CDH22: variants seen among roughly 807,000 people sequenced by gnomAD.
The protein encoded by CDH22 is cadherin 22, also known as cadherin-22.
CDH22 carries 30 observed loss-of-function variants against 58.4 expected under a neutral mutation model. The ratio of observed to expected loss-of-function variants is 0.51; its 90% CI spans 0.38 to 0.70. The LOEUF is 0.70. CDH22 is among the 30% of genes least tolerant of loss of function. The pLI, the probability that CDH22 is intolerant of heterozygous loss-of-function variation, is 0.00. For missense variants in CDH22, 1,014 were observed against 1,233.9 expected, an observed-to-expected ratio of 0.82 and a Z score of 2.67; for synonymous variants, 513 against 558.2, an observed-to-expected ratio of 0.92 and a Z score of 1.14.
At chr20:46,212,830 A>C (rs558227179) in intron 6 of CDH22, among the ~76,000 whole-genome samples, 165 bp downstream of exon 6, 1 of 152,252 alleles carries the variant, frequency 6.6e-6, no homozygotes, top group East Asian at 1.9e-4. Context: ...CCTGGTTTGC[A>C]AAAGGGGAAT....
chr20:46,212,873 G>T, intron 6 of CDH22, 122 bp downstream of exon 6: 1 of 787,304 alleles, frequency 1.3e-6, no homozygotes, highest in African/African-American at 1.7e-5. Context: ...GTTGGTCCTG[G>T]ACCTCTAGAG....
intron 1 of CDH22, among the ~76,000 whole-genome samples, chr20:46,288,279 C>T (rs907267973): frequency 6.6e-6 from 1 of 152,202 alleles, no homozygotes; most frequent in East Asian, 1.9e-4. Flanking sequence ...TTTGGTCTCT[C>T]TCCCCTATGT....
chr20:46,281,989 G>A (rs1448391785), intron 1 of CDH22, among the ~76,000 whole-genome samples: 4 of 152,344 alleles, frequency 2.6e-5, no homozygotes, highest in South Asian at 2.1e-4. Context: ...GTATCTTACC[G>A]AAATTCACAC....
intron 1 of CDH22, among the ~76,000 whole-genome samples, chr20:46,302,649 C>T (rs1374890991): frequency 6.6e-6 from 1 of 152,158 alleles, no homozygotes; most frequent in Non-Finnish European, 1.5e-5. Context: ...GTGAGCTCCT[C>T]CTTCCTCATG....
chr20:46,184,329 C>A (rs6032708), intron 10 of CDH22, among the ~76,000 whole-genome samples: 25 of 152,266 alleles, frequency 1.6e-4, no homozygotes, highest in African/African-American at 6.0e-4. Context: ...GAACTTCTGA[C>A]CTCAACTAAT....
At chr20:46,199,683 AACCCCTTGCG>A (rs1378488200) in intron 7 of CDH22, 124 bp from the exon 8 acceptor site, 1 of 1,217,488 alleles carries the variant, frequency 8.2e-7, no homozygotes, top group Non-Finnish European at 1.1e-6. Context: ...GGGGCAGAGA[AACCCCTTGCG>A]ACCGAGGAGG....
intron 4 of CDH22, among the ~76,000 whole-genome samples, chr20:46,223,745 TTC>T (rs1190504402): frequency 4.6e-5 from 6 of 131,648 alleles, no homozygotes; most frequent in Non-Finnish European, 8.3e-5. Flanking sequence ...TTCTTTCTCT[TTC>T]CTCTTTCTTT....
chr20:46,187,159 A>G (rs540926387), intron 8 of CDH22, among the ~76,000 whole-genome samples: 1 of 152,156 alleles, frequency 6.6e-6, no homozygotes, highest in African/African-American at 2.4e-5. Flanking sequence ...CAACCTTGGC[A>G]CCATTGGCAT....
intron 1 of CDH22, among the ~76,000 whole-genome samples, chr20:46,274,605 G>A (rs960284912): frequency 1.3e-5 from 2 of 152,080 alleles, no homozygotes; most frequent in African/African-American, 4.8e-5. Flanking sequence ...GAAAACATAT[G>A]TCCACATAAA....
chr20:46,173,815 C>CT lies in CDH22; in HGVS notation c.*690dup. ...CCTAACCACTTGACACATATGAACC[C>CT]TTTTTAGCCTCACAACTCTTCGAGG... is the stretch of plus-strand genomic sequence containing the variant. On this transcript the variant is annotated 3_prime_UTR_variant, in exon 12 of 12. Transcript: ENST00000537909. 1 of 152,404 alleles carries CT rather than the reference C, an allele frequency of 6.6e-6. No homozygotes were observed. Among genetic ancestry groups the CT allele is most frequent in the East Asian group, 1.9e-4 (1 of 5,190 alleles). 9.4% of individuals were successfully genotyped at this position (152,404 alleles called of 1,614,324 possible).
At chr20:46,223,651 C>T (rs1183799719) in intron 4 of CDH22, among the ~76,000 whole-genome samples, 90 of 145,534 alleles carry the variant, frequency 6.2e-4, no homozygotes, top group South Asian at 2.4e-3. Flanking sequence ...CTTTCTTTCT[C>T]TTTCTTTTTC....
chr20:46,245,808 C>A (rs2086324260), intron 2 of CDH22, among the ~76,000 whole-genome samples: 1 of 152,176 alleles, frequency 6.6e-6, no homozygotes, highest in African/African-American at 2.4e-5. Flanking sequence ...CCTTTTACTG[C>A]TGTCTCATTG....
intron 6 of CDH22, among the ~76,000 whole-genome samples, chr20:46,212,225 G>A (rs2086048441): frequency 6.6e-6 from 1 of 152,200 alleles, no homozygotes; most frequent in African/African-American, 2.4e-5. Context: ...TGAATGGGAG[G>A]AAGAAGAGCT....
At chr20:46,236,829 C>G (rs906550567) in intron 3 of CDH22, among the ~76,000 whole-genome samples, 1 of 151,582 alleles carries the variant, frequency 6.6e-6, no homozygotes, top group Non-Finnish European at 1.5e-5. Flanking sequence ...GTAGCTGGGA[C>G]TACAGGTGTA....
intron 4 of CDH22, among the ~76,000 whole-genome samples, chr20:46,224,959 C>T (rs1034753987): frequency 1.3e-5 from 2 of 152,218 alleles, no homozygotes; most frequent in Non-Finnish European, 2.9e-5. Context: ...ATCCTGGGCT[C>T]CAGGGCCTCC....
chr20:46,260,546 A>G (rs1350791922), intron 1 of CDH22, among the ~76,000 whole-genome samples: 1 of 152,178 alleles, frequency 6.6e-6, no homozygotes, highest in Admixed American at 6.5e-5. Context: ...TGGCAGAGCT[A>G]AGTACAGAAC....
chr20:46,216,599 C>T lies in CDH22; in HGVS notation c.838+227G>A, dbSNP rs1459935887. Among the ~76,000 whole-genome samples the T allele has an allele frequency of 6.6e-6, 1 of 152,056 alleles. No homozygotes were observed. Among genetic ancestry groups the T allele is most frequent in the African/African-American group, 2.4e-5 (1 of 41,420 alleles). ...GGGAAGGTGATGGTGTGTTACTTGG[C>T]TCTGTGGAGCATCGGACAGCCCTGG... On this transcript the variant is annotated intron_variant, in intron 5 of 11. Transcript: ENST00000537909. The surrounding 1 kb of genome is among the most constrained non-coding windows in gnomAD (Gnocchi z 5.3).
intron 1 of CDH22, among the ~76,000 whole-genome samples, chr20:46,269,998 G>A (rs2086479333): frequency 6.6e-6 from 1 of 152,174 alleles, no homozygotes; most frequent in African/African-American, 2.4e-5. Flanking sequence ...AAGGGAGTCA[G>A]GTAGGCTTGC....
intron 1 of CDH22, among the ~76,000 whole-genome samples, chr20:46,259,881 GAAA>G (rs1312101173): frequency 6.6e-6 from 1 of 151,920 alleles, no homozygotes; most frequent in African/African-American, 2.4e-5. Flanking sequence ...AATGAAATGA[GAAA>G]AAAAAGAGTT....
Sources: allele counts gnomAD v4.1 joint callset (sites outside exome capture counted in the v4.1 genomes callset), GRCh38; gene constraint gnomAD v4.1.1; non-coding constraint Gnocchi (gnomAD v3.1); transcripts MANE v1.5; gene names NCBI Gene and HGNC (gene_info 2026-07-23, HGNC 2026-07-21).